RBFOX1: variants seen among roughly 807,000 people sequenced by gnomAD.
The protein encoded by RBFOX1 is RNA binding fox-1 homolog 1, also known as RNA binding protein fox-1 homolog 1.
A neutral mutation model predicts 57.7 loss-of-function variants in RBFOX1; 8 were observed. The observed-to-expected ratio is 0.14, with a 90% confidence interval of 0.08 to 0.25. The LOEUF is 0.25. Ranked by LOEUF, RBFOX1 falls within the 10% of genes least tolerant of loss-of-function variation. The pLI, the probability that RBFOX1 is intolerant of heterozygous loss-of-function variation, is 1.00. For missense variants in RBFOX1, 611 were observed against 548.5 expected (o/e 1.11, Z -1.14); for synonymous variants, 326 against 222.4 (o/e 1.47, Z -4.15).
At chr16:5,944,158 G>A (rs2059342935) in intron 4 of RBFOX1, among the ~76,000 whole-genome samples, 1 of 152,166 alleles carries the variant, frequency 6.6e-6, no homozygotes, top group African/African-American at 2.4e-5. Context: ...GTACAAGATG[G>A]CCATTGATCT....
At chr16:6,764,734 C>T (rs576248395) in intron 3 of RBFOX1, among the ~76,000 whole-genome samples, 6 of 152,096 alleles carry the variant, frequency 3.9e-5, no homozygotes, top group Admixed American at 2.6e-4. Flanking sequence ...GTCAGGTGTA[C>T]GAGACCAACC....
intron 4 of RBFOX1, among the ~76,000 whole-genome samples, chr16:5,959,660 G>C (rs1050162628): frequency 6.6e-6 from 1 of 152,172 alleles, no homozygotes. Flanking sequence ...AGGAATGACA[G>C]TTTTCACCAG....
Position 6,303,685 on chromosome 16 carries a change from T to C in RBFOX1, c.-126-13310T>C, listed in dbSNP as rs565855867. Among the ~76,000 whole-genome samples the C allele has an allele frequency of 8.5e-5, 13 of 152,082 alleles. No homozygotes were observed. In the East Asian group the frequency reaches 2.3e-3, roughly 27 times the overall value. On this transcript the variant is annotated intron_variant, in intron 1 of 15. Coordinates refer to ENST00000550418, the MANE Select transcript of RBFOX1 (RefSeq NM_018723.4). ...TGAGAAATAGATTCAAAGGAAAAGA[T>C]GATTAATGGGCTGGGCACAGTGGCT...
rs565410586 is a variant in RBFOX1 at position 6,651,482 on chromosome 16, C to T, written c.-63-3121C>T. On this transcript the variant is annotated intron_variant, in intron 2 of 15. Transcript: ENST00000550418. Reference sequence around the variant, plus strand: ...TTTTCTCCCTACTTAAATTTGTAACCCCTGACTGCCGGTTCTGTTAAAATA... The same window carrying T: ...TTTTCTCCCTACTTAAATTTGTAACTCCTGACTGCCGGTTCTGTTAAAATA... 2.6e-5 allele frequency among the ~76,000 whole-genome samples: 4 copies of T among 152,252 alleles called. No homozygotes were observed. The East Asian group carries it at 5.8e-4, about 22-fold the overall frequency.
chr16:6,939,401 G>GTATA (rs1018008769), intron 3 of RBFOX1, among the ~76,000 whole-genome samples: 2 of 150,570 alleles, frequency 1.3e-5, no homozygotes, highest in Non-Finnish European at 3.0e-5. Flanking sequence ...GTGTGTGTGT[G>GTATA]TATATATATA....
chr16:6,800,572 C>G (rs900283132), intron 3 of RBFOX1, among the ~76,000 whole-genome samples: 6 of 151,826 alleles, frequency 4.0e-5, no homozygotes, highest in Non-Finnish European at 5.9e-5. Context: ...TCTAGAGGGC[C>G]CGGTAATCAC....
chr16:5,705,128 A>G (rs2051194701), intron 3 of RBFOX1, among the ~76,000 whole-genome samples: 2 of 152,190 alleles, frequency 1.3e-5, no homozygotes, highest in Admixed American at 1.3e-4. Flanking sequence ...ATAGGGTAAA[A>G]TAAATCATTT....
chr16:5,756,703 C>G (rs1167942162), intron 3 of RBFOX1, among the ~76,000 whole-genome samples: 1 of 152,152 alleles, frequency 6.6e-6, no homozygotes, highest in African/African-American at 2.4e-5. Context: ...CATTACTTAT[C>G]ACAGCAGAAA....
chr16:6,642,315 A>G (rs1036795431), intron 2 of RBFOX1, among the ~76,000 whole-genome samples: 1 of 152,196 alleles, frequency 6.6e-6, no homozygotes, highest in Non-Finnish European at 1.5e-5. Context: ...ATTTACATCT[A>G]ATGTGGGTAA....
At chr16:6,038,107 C>A (rs375552629) in intron 1 of RBFOX1, 1 of 151,798 alleles carries the variant, frequency 6.6e-6, no homozygotes, top group Non-Finnish European at 1.5e-5. Flanking sequence ...ACCATATTTT[C>A]TAAACTTTTT....
At chr16:5,373,627 T>C (rs572443306) in intron 1 of RBFOX1, among the ~76,000 whole-genome samples, 1 of 152,018 alleles carries the variant, frequency 6.6e-6, no homozygotes, top group East Asian at 1.9e-4. Context: ...TGTTTTCAGA[T>C]GGAATCTCTC....
At chr16:6,377,890 C>T (rs542816948) in intron 2 of RBFOX1, among the ~76,000 whole-genome samples, 17 of 152,102 alleles carry the variant, frequency 1.1e-4, no homozygotes, top group South Asian at 2.1e-4. Flanking sequence ...CCAGCTGAGC[C>T]GGGAAAACTC....
chr16:5,793,011 C>G (rs1386033645), intron 3 of RBFOX1, among the ~76,000 whole-genome samples: 1 of 152,192 alleles, frequency 6.6e-6, no homozygotes. Context: ...GGAAGAAAAT[C>G]TACATAGAAA....
At chr16:7,059,998 G>GA (rs1208483663) in intron 4 of RBFOX1, among the ~76,000 whole-genome samples, 1 of 152,088 alleles carries the variant, frequency 6.6e-6, no homozygotes. Context: ...AATATTAGTG[G>GA]AAAAAAGCCC....
chr16:6,686,859 A>G (rs913618272), intron 3 of RBFOX1, among the ~76,000 whole-genome samples: 1 of 152,146 alleles, frequency 6.6e-6, no homozygotes, highest in Non-Finnish European at 1.5e-5. Context: ...ACTGTGTTGT[A>G]TTTTGAGTGC....
At chr16:7,275,577 T>A (rs12445831) in intron 4 of RBFOX1, among the ~76,000 whole-genome samples, 20,101 of 152,284 alleles carry the variant, frequency 0.13, 1,664 homozygotes, top group Middle Eastern at 0.28. Context: ...AGTGAAAGAT[T>A]ACCTGTTCTG....
At chr16:5,363,763 G>A (rs2065621378) in intron 1 of RBFOX1, among the ~76,000 whole-genome samples, 2 of 151,578 alleles carry the variant, frequency 1.3e-5, no homozygotes, top group African/African-American at 2.4e-5. Context: ...CTTATTCACT[G>A]TTGTATTACC....
intron 3 of RBFOX1, among the ~76,000 whole-genome samples, chr16:6,699,083 A>G (rs920569443): frequency 3.9e-5 from 6 of 152,128 alleles, no homozygotes; most frequent in African/African-American, 1.2e-4. Flanking sequence ...GCAAGTGACA[A>G]TCATAACCAG....
chr16:6,125,170 A>C (rs7184188), intron 1 of RBFOX1, among the ~76,000 whole-genome samples: 47,268 of 152,100 alleles, frequency 0.31, 9,154 homozygotes, highest in Non-Finnish European at 0.44. Flanking sequence ...CTCCCTGTGC[A>C]TGTGTTACCT....
Sources: gnomAD v4.1 joint callset for allele counts (sites outside exome capture counted in the v4.1 genomes callset) on GRCh38, gnomAD v4.1.1 for gene constraint, MANE v1.5 for transcripts, NCBI Gene and HGNC (gene_info 2026-07-23, HGNC 2026-07-21) for gene names.